PRR16: variants seen among roughly 807,000 people sequenced by gnomAD.
PRR16 encodes the protein protein Largen.
In PRR16, 6 loss-of-function variants were observed where a neutral mutation model predicts 18.2. That is an observed-to-expected ratio of 0.33 (90% CI 0.18 to 0.65). The LOEUF (loss-of-function observed/expected upper bound fraction) is 0.65, where lower values mean the gene tolerates loss of function less well. Ranked by LOEUF, PRR16 falls within the 30% of genes least tolerant of loss-of-function variation. PRR16 has a pLI of 0.74. For synonymous variants in PRR16, 151 were observed against 147.8 expected, an observed-to-expected ratio of 1.02 and a Z score of -0.16; for missense variants, 412 against 376.6, an observed-to-expected ratio of 1.09 and a Z score of -0.78.
the PRR16 span, among the ~76,000 whole-genome samples, chr5:120,741,142 T>C: frequency 1.3e-5 from 2 of 152,016 alleles, no homozygotes; most frequent in African/African-American, 4.8e-5. Context: ...TTTTTATATA[T>C]ATAGAAGTAC....
At chr5:120,506,283 G>A (rs1750644511) in intron 1 of PRR16, among the ~76,000 whole-genome samples, 1 of 151,088 alleles carries the variant, frequency 6.6e-6, no homozygotes, top group Non-Finnish European at 1.5e-5. Context: ...CTTTTTTTAA[G>A]GAAAAGATAA....
chr5:120,470,115 T>G (rs1749221388), intron 1 of PRR16, among the ~76,000 whole-genome samples: 1 of 152,208 alleles, frequency 6.6e-6, no homozygotes, highest in Non-Finnish European at 1.5e-5. Flanking sequence ...TTTCCCAAAC[T>G]ATAGAACTTT....
chr5:120,779,098 A>G, the PRR16 span, among the ~76,000 whole-genome samples: 1 of 152,132 alleles, frequency 6.6e-6, no homozygotes, highest in Non-Finnish European at 1.5e-5. Context: ...TAAAATATGC[A>G]CACGTTAACA....
At chr5:120,676,920 GT>G (rs1246059166) in intron 1 of PRR16, among the ~76,000 whole-genome samples, 1 of 152,090 alleles carries the variant, frequency 6.6e-6, no homozygotes, top group Non-Finnish European at 1.5e-5. Flanking sequence ...AATTTTTAAG[GT>G]TTGTATAGAT....
chr5:120,745,643 G>C, the PRR16 span, among the ~76,000 whole-genome samples: 1 of 149,078 alleles, frequency 6.7e-6, no homozygotes, highest in East Asian at 1.9e-4. Context: ...TGTGTTTGTT[G>C]CTTTGTTTTG....
At chr5:120,767,822 A>T in the PRR16 span, among the ~76,000 whole-genome samples, 1 of 151,778 alleles carries the variant, frequency 6.6e-6, no homozygotes, top group South Asian at 2.1e-4. Flanking sequence ...TCTCATCCCA[A>T]TTCCAATACC....
In PRR16 at chr5:120,503,538, T is replaced by G. The variant is rs118057423; in HGVS notation, c.159+38893T>G. On this transcript the variant is annotated intron_variant, in intron 1 of 1. Transcript: ENST00000407149. Reference sequence around the variant, plus strand: ...AAGATAAAAGAGAGAGCAATGAGATTCAGAAAACTTACGAGCTGAGAACAT... The same window carrying G: ...AAGATAAAAGAGAGAGCAATGAGATGCAGAAAACTTACGAGCTGAGAACAT... Among the ~76,000 whole-genome samples, 274 of 152,202 alleles carry G rather than the reference T, an allele frequency of 1.8e-3. 5 individuals are homozygous for G. The East Asian group carries it at 0.039, about 21-fold the overall frequency.
chr5:120,473,646 T>C (rs1749345293), intron 1 of PRR16, among the ~76,000 whole-genome samples: 1 of 152,198 alleles, frequency 6.6e-6, no homozygotes, highest in African/African-American at 2.4e-5. Flanking sequence ...TATTCATTTA[T>C]TCAACAAGTA....
the PRR16 span, among the ~76,000 whole-genome samples, chr5:120,766,147 CTG>C: frequency 6.6e-6 from 1 of 151,950 alleles, no homozygotes; most frequent in Admixed American, 6.6e-5. Flanking sequence ...AGTTTTGTGT[CTG>C]TATTTTTAGC....
the PRR16 span, among the ~76,000 whole-genome samples, chr5:120,780,588 T>A: frequency 7.2e-5 from 11 of 152,296 alleles, no homozygotes; most frequent in African/African-American, 2.6e-4. Context: ...TATAATAATA[T>A]TACAATTTTT....
Position 120,574,770 on chromosome 5 carries a change from G to A in PRR16, c.159+110125G>A, listed in dbSNP as rs1187407568. ...TATTGAATATTGGTGAAGACTTGCA[G>A]CAACAAGAACTCTCATACACTGTTG... On this transcript the variant is annotated intron_variant, in intron 1 of 1. Transcript: ENST00000407149. 1.3e-5 allele frequency among the ~76,000 whole-genome samples: 2 copies of A among 149,110 alleles called. 1 individual carries two copies. The highest frequency in any genetic ancestry group is 5.2e-5 in the African/African-American group (2 of 38,516).
At chr5:120,674,765 A>G (rs934318363) in intron 1 of PRR16, among the ~76,000 whole-genome samples, 1 of 151,670 alleles carries the variant, frequency 6.6e-6, no homozygotes, top group Non-Finnish European at 1.5e-5. Context: ...CAGTTTTTGA[A>G]GCTCCAATAT....
chr5:120,763,023 T>C, the PRR16 span, among the ~76,000 whole-genome samples: 1 of 152,182 alleles, frequency 6.6e-6, no homozygotes, highest in Non-Finnish European at 1.5e-5. Context: ...CTAAAGATAA[T>C]GTACTTTCCC....
At chr5:120,622,514 A>C (rs765143462) in intron 1 of PRR16, among the ~76,000 whole-genome samples, 20 of 151,740 alleles carry the variant, frequency 1.3e-4, no homozygotes, top group African/African-American at 4.8e-4. Context: ...GAGTCTTGCT[A>C]TGTCGCCAGG....
intron 1 of PRR16, among the ~76,000 whole-genome samples, chr5:120,586,043 C>T (rs2405954): frequency 0.38 from 58,125 of 151,316 alleles, 11,619 homozygotes; most frequent in East Asian, 0.73. Flanking sequence ...CGTGGTGGCA[C>T]GTGCCTGTAG....
intron 1 of PRR16, among the ~76,000 whole-genome samples, chr5:120,538,960 A>C (rs1751820395): frequency 6.6e-6 from 1 of 152,196 alleles, no homozygotes; most frequent in South Asian, 2.1e-4. Context: ...GAAGTAAAAT[A>C]CAGAGAAGGA....
intron 1 of PRR16, among the ~76,000 whole-genome samples, chr5:120,532,251 G>A (rs1751575674): frequency 6.6e-6 from 1 of 151,974 alleles, no homozygotes; most frequent in Non-Finnish European, 1.5e-5. Flanking sequence ...CAAGTGTTTG[G>A]AAAAATTTTC....
the PRR16 span, among the ~76,000 whole-genome samples, chr5:120,786,609 AAAATATAT>A: frequency 6.7e-6 from 1 of 150,004 alleles, no homozygotes. Flanking sequence ...GTGTGTAATT[AAAATATAT>A]AAATATAGAT....
the PRR16 span, among the ~76,000 whole-genome samples, chr5:120,734,539 C>T: frequency 7.0e-4 from 62 of 87,948 alleles, no homozygotes; most frequent in Non-Finnish European, 1.3e-3. Context: ...AATGCTAACC[C>T]GGCTGGGATT....
Sources: gnomAD v4.1 joint callset for allele counts (sites outside exome capture counted in the v4.1 genomes callset) on GRCh38, gnomAD v4.1.1 for gene constraint, MANE v1.5 for transcripts, NCBI Gene and HGNC (gene_info 2026-07-23, HGNC 2026-07-21) for gene names.